Variants in SGMS1 observed in about 807,000 individuals in gnomAD.
SGMS1 encodes phosphatidylcholine:ceramide cholinephosphotransferase 1.
SGMS1 carries 13 observed loss-of-function variants against 46.2 expected under a neutral mutation model. The observed-to-expected ratio is 0.28, with a 90% CI of 0.18 to 0.45. SGMS1 has a LOEUF of 0.45. Among genes scored for constraint, SGMS1 ranks in the 20% least tolerant of loss-of-function variants. The pLI is 1.00. For missense variants in SGMS1, 324 were observed against 519.9 expected (o/e 0.62, Z 3.66); for synonymous variants, 203 against 187.8 (o/e 1.08, Z -0.66).
chr10:50,600,877 T>A (rs1009276354), intron 1 of SGMS1, among the ~76,000 whole-genome samples: 1 of 151,822 alleles, frequency 6.6e-6, no homozygotes, highest in African/African-American at 2.4e-5. Flanking sequence ...TGAGGACAAA[T>A]CAGAGGAGAG....
rs975521340 is a variant in SGMS1 at position 50,482,688 on chromosome 10, G to T, written c.-497-15756C>A. On this transcript the variant is annotated intron_variant, in intron 3 of 10. Transcript: ENST00000361781. Reference sequence around the variant, plus strand: ...TCATGAGGCTAGGATCATTTGACAGGATCAAATTCACACATAACACTACTA... The same window carrying T: ...TCATGAGGCTAGGATCATTTGACAGTATCAAATTCACACATAACACTACTA... Among the ~76,000 whole-genome samples the T allele has an allele frequency of 2.0e-4, 30 of 152,252 alleles. 1 individual carries two copies. The highest frequency in any genetic ancestry group is 1.8e-3 in the Admixed American group (28 of 15,294).
At chr10:50,361,439 A>G (rs911148582) in intron 6 of SGMS1, among the ~76,000 whole-genome samples, 1 of 152,164 alleles carries the variant, frequency 6.6e-6, no homozygotes, top group Non-Finnish European at 1.5e-5. Context: ...AGGCACATTA[A>G]ATCAACCTGG....
intron 6 of SGMS1, among the ~76,000 whole-genome samples, chr10:50,407,516 C>A (rs867976879): frequency 6.6e-6 from 1 of 152,156 alleles, no homozygotes; most frequent in Non-Finnish European, 1.5e-5. Flanking sequence ...CAGCTCCTAT[C>A]CACCCTGACC....
intron 5 of SGMS1, among the ~76,000 whole-genome samples, chr10:50,440,452 T>G (rs1040543541): frequency 7.2e-5 from 11 of 152,182 alleles, no homozygotes; most frequent in African/African-American, 2.4e-4. Context: ...TAAACCTCTC[T>G]AGCTATTCCT....
chr10:50,593,000 C>T (rs921031961), intron 1 of SGMS1, among the ~76,000 whole-genome samples: 45 of 151,414 alleles, frequency 3.0e-4, no homozygotes, highest in African/African-American at 1.0e-3. Flanking sequence ...ATGTGGGAAC[C>T]ACTACAATAT....
At chr10:50,333,504 G>A (rs1847660415) in intron 7 of SGMS1, among the ~76,000 whole-genome samples, 1 of 152,152 alleles carries the variant, frequency 6.6e-6, no homozygotes, top group South Asian at 2.1e-4. Flanking sequence ...AACCCCTGGA[G>A]ATTGGGGCCT....
intron 6 of SGMS1, among the ~76,000 whole-genome samples, chr10:50,429,587 AACTTTT>A (rs550516200): frequency 1.1e-3 from 163 of 152,284 alleles, no homozygotes; most frequent in Middle Eastern, 6.8e-3. Context: ...AATTGTCCTT[AACTTTT>A]AATTATAAAG....
intron 6 of SGMS1, among the ~76,000 whole-genome samples, chr10:50,362,709 A>C (rs1272158052): frequency 6.6e-6 from 1 of 152,208 alleles, no homozygotes; most frequent in Non-Finnish European, 1.5e-5. Flanking sequence ...GACAAACAGG[A>C]AGTTTACCAA....
chr10:50,587,110 C>T (rs1177104362), intron 2 of SGMS1, among the ~76,000 whole-genome samples: 1 of 152,102 alleles, frequency 6.6e-6, no homozygotes, highest in Non-Finnish European at 1.5e-5. Context: ...AATTTATGCT[C>T]CTAGAAGTCA....
At chr10:50,569,292 A>T (rs1838317042) in intron 2 of SGMS1, among the ~76,000 whole-genome samples, 1 of 101,140 alleles carries the variant, frequency 9.9e-6, no homozygotes, top group African/African-American at 3.7e-5. Flanking sequence ...CCCAGAACTT[A>T]AAGTATTAAA....
intron 6 of SGMS1, among the ~76,000 whole-genome samples, chr10:50,424,971 A>T (rs1849304499): frequency 6.6e-6 from 1 of 152,140 alleles, no homozygotes; most frequent in Non-Finnish European, 1.5e-5. Flanking sequence ...CATACAAAAA[A>T]AATGATCAGC....
At chr10:50,469,628 G>A (rs762530346) in intron 3 of SGMS1, among the ~76,000 whole-genome samples, 1 of 152,166 alleles carries the variant, frequency 6.6e-6, no homozygotes, top group East Asian at 1.9e-4. Context: ...AGCAAAGTAC[G>A]GCATGAGTCT....
At position 50,313,090 on chromosome 10, in the gene SGMS1, C is replaced by T. The variant is rs377020689; in HGVS notation, c.742-1675G>A. 3.3e-4 allele frequency among the ~76,000 whole-genome samples: 51 copies of T among 152,310 alleles called. 1 individual carries two copies. In the East Asian group the frequency reaches 4.2e-3, roughly 13 times the overall value. On this transcript the variant is annotated intron_variant, in intron 8 of 10. Coordinates refer to ENST00000361781, the MANE Select transcript of SGMS1 (RefSeq NM_147156.4). ...AGAGAAGGAAAGTAATTCTAGGAAA[C>T]GACATGACTTGGCCATGAATAGCAT...
chr10:50,582,565 T>C (rs1255138511), intron 2 of SGMS1, among the ~76,000 whole-genome samples: 1 of 152,212 alleles, frequency 6.6e-6, no homozygotes, highest in Non-Finnish European at 1.5e-5. Flanking sequence ...ATACTGGATC[T>C]GATTAAACCA....
chr10:50,599,445 G>T (rs1372653907), intron 1 of SGMS1, among the ~76,000 whole-genome samples: 1 of 148,918 alleles, frequency 6.7e-6, no homozygotes, highest in Non-Finnish European at 1.5e-5. Context: ...TGGAAATTAA[G>T]AATATGACTG....
intron 3 of SGMS1, among the ~76,000 whole-genome samples, chr10:50,496,915 C>T (rs1429177399): frequency 2.6e-5 from 4 of 152,218 alleles, no homozygotes; most frequent in African/African-American, 9.6e-5. Flanking sequence ...TGCATGTCAA[C>T]TAATGTCACT....
intron 6 of SGMS1, among the ~76,000 whole-genome samples, chr10:50,389,201 G>C (rs1589419766): frequency 6.6e-6 from 1 of 152,116 alleles, no homozygotes; most frequent in Admixed American, 6.5e-5. Flanking sequence ...ACAGCCACCT[G>C]AATGTCTAGG....
At chr10:50,606,030 A>G (rs1459407285) in intron 1 of SGMS1, among the ~76,000 whole-genome samples, 1 of 152,218 alleles carries the variant, frequency 6.6e-6, no homozygotes, top group African/African-American at 2.4e-5. Context: ...TCTTGAACAA[A>G]TATTTGTACA....
chr10:50,382,568 T>TACACATAC (rs1848621542), intron 6 of SGMS1, among the ~76,000 whole-genome samples: 1 of 142,750 alleles, frequency 7.0e-6, no homozygotes, highest in African/African-American at 2.6e-5. Flanking sequence ...AACACACACA[T>TACACATAC]ACACACACAC....
Sources: gnomAD v4.1 joint callset for allele counts (sites outside exome capture counted in the v4.1 genomes callset) on GRCh38, gnomAD v4.1.1 for gene constraint, MANE v1.5 for transcripts, NCBI Gene and HGNC (gene_info 2026-07-23, HGNC 2026-07-21) for gene names.